The following CSMD3 variants were observed in gnomAD, a reference collection of about 807,000 sequenced individuals.
CSMD3 encodes the protein CUB and sushi domain-containing protein 3.
Under a neutral mutation model 435.2 loss-of-function variants are expected in CSMD3, and 177 were observed. The ratio of observed to expected loss-of-function variants is 0.41; its 90% CI spans 0.36 to 0.46. The LOEUF (loss-of-function observed/expected upper bound fraction) is 0.46, where lower values mean the gene tolerates loss of function less well. Ranked by LOEUF, CSMD3 falls within the 20% of genes least tolerant of loss-of-function variation. CSMD3 has a pLI of 0.34. For synonymous variants in CSMD3, 1,656 were observed against 1,520.5 expected, an observed-to-expected ratio of 1.09 and a Z score of -2.07; for missense variants, 4,265 against 4,504.6, an observed-to-expected ratio of 0.95 and a Z score of 1.52.
intron 68 of CSMD3, among the ~76,000 whole-genome samples, chr8:112,233,002 G>A (rs1242613272): frequency 1.3e-5 from 2 of 152,168 alleles, no homozygotes; most frequent in South Asian, 2.1e-4. Context: ...GTTTGACCCA[G>A]AGGCTTCATG....
At chr8:113,031,908 T>C (rs923849537) in intron 5 of CSMD3, among the ~76,000 whole-genome samples, 2 of 151,536 alleles carry the variant, frequency 1.3e-5, no homozygotes, top group Non-Finnish European at 3.0e-5. Flanking sequence ...GCTCTCATGA[T>C]AGTGAGGGAG....
intron 8 of CSMD3, among the ~76,000 whole-genome samples, chr8:112,952,604 A>G (rs1279159927): frequency 2.0e-5 from 3 of 151,544 alleles, no homozygotes; most frequent in Admixed American, 6.6e-5. Flanking sequence ...TACTTTAGAA[A>G]CAAATTATAG....
chr8:112,385,268 C>T (rs1395719247), intron 36 of CSMD3, among the ~76,000 whole-genome samples: 2 of 152,144 alleles, frequency 1.3e-5, no homozygotes, highest in South Asian at 2.1e-4. Flanking sequence ...AGATTATTTA[C>T]ATAAATTATT....
At chr8:113,319,011 G>A (rs1323724892) in intron 1 of CSMD3, among the ~76,000 whole-genome samples, 1 of 151,916 alleles carries the variant, frequency 6.6e-6, no homozygotes. Context: ...AAAAACATGG[G>A]AGTGCAGATA....
At chr8:113,015,506 T>TA (rs1192678723) in intron 6 of CSMD3, among the ~76,000 whole-genome samples, 3 of 151,908 alleles carry the variant, frequency 2.0e-5, no homozygotes, top group Admixed American at 1.3e-4. Flanking sequence ...ATCAAGAATA[T>TA]AAAATTACTC....
intron 10 of CSMD3, among the ~76,000 whole-genome samples, chr8:112,888,633 AAC>A (rs1223191949): frequency 6.6e-6 from 1 of 151,678 alleles, no homozygotes; most frequent in Non-Finnish European, 1.5e-5. Flanking sequence ...CTCTCAGAAA[AAC>A]AGAGGAAACT....
rs373888424 is a variant in CSMD3, at chr8:112,786,560, G to GA, written c.1972+13601dup. On this transcript the variant is annotated intron_variant, in intron 13 of 70. Transcript: ENST00000297405. ...CTAGAATATATATACAACTCAATAG[G>GA]AAAAAAAAAACCAATAATCTGAATA... Among the ~76,000 whole-genome samples the GA allele has an allele frequency of 2.2e-3, 322 of 144,928 alleles. 1 individual carries two copies. Among genetic ancestry groups the GA allele is most frequent in the South Asian group, 3.7e-3 (17 of 4,608 alleles).
chr8:112,380,723 T>C (rs1308047896), intron 37 of CSMD3, among the ~76,000 whole-genome samples: 1 of 152,202 alleles, frequency 6.6e-6, no homozygotes, highest in East Asian at 1.9e-4. Flanking sequence ...AAGTTAAAGC[T>C]ATACGTTTGA....
At chr8:113,257,183 C>T (rs1052943235) in intron 3 of CSMD3, among the ~76,000 whole-genome samples, 9 of 152,002 alleles carry the variant, frequency 5.9e-5, no homozygotes, top group Non-Finnish European at 8.8e-5. Flanking sequence ...CCGAGGCGGG[C>T]GGATCACGTG....
intron 45 of CSMD3, among the ~76,000 whole-genome samples, chr8:112,330,018 G>A (rs1175646403): frequency 1.3e-5 from 2 of 151,888 alleles, no homozygotes; most frequent in Admixed American, 6.6e-5. Flanking sequence ...AACACTTTAC[G>A]GGTTCTGTGC....
intron 27 of CSMD3, among the ~76,000 whole-genome samples, chr8:112,535,708 C>T (rs1378485455): frequency 1.3e-5 from 2 of 151,772 alleles, no homozygotes; most frequent in East Asian, 1.9e-4. Context: ...GAGCCCGCAT[C>T]GCCAAGTCGA....
At position 112,479,100 on chromosome 8, in the gene CSMD3, A is replaced by T. The variant is rs115170988; in HGVS notation, c.5279-6393T>A. Among the ~76,000 whole-genome samples the T allele has an allele frequency of 8.1e-3, 1,240 of 152,290 alleles. 25 individuals are homozygous for T. Among genetic ancestry groups the T allele is most frequent in the African/African-American group, 0.028 (1,152 of 41,564 alleles). ...GGTTCAGTACAAGAGCTAGGGAACTACCAACTGCGAGTACAAACTATAACA... is the reference window on the plus strand; with the variant it reads ...GGTTCAGTACAAGAGCTAGGGAACTTCCAACTGCGAGTACAAACTATAACA... On this transcript the variant is annotated intron_variant, in intron 31 of 70. Coordinates refer to ENST00000297405, the MANE Select transcript of CSMD3 (RefSeq NM_198123.2).
chr8:113,018,073 A>C (rs953681586), intron 6 of CSMD3, among the ~76,000 whole-genome samples: 1 of 152,058 alleles, frequency 6.6e-6, no homozygotes, highest in African/African-American at 2.4e-5. Flanking sequence ...TCTTGATTTT[A>C]AGTTACTTTC....
intron 4 of CSMD3, among the ~76,000 whole-genome samples, chr8:113,131,068 G>A (rs2091272356): frequency 6.6e-6 from 1 of 152,162 alleles, no homozygotes; most frequent in Admixed American, 6.5e-5. Context: ...TCATACACAT[G>A]ATGAAAGAGA....
intron 27 of CSMD3, among the ~76,000 whole-genome samples, chr8:112,525,754 AT>A (rs1824834029): frequency 7.5e-6 from 1 of 133,010 alleles, no homozygotes; most frequent in Non-Finnish European, 1.6e-5. Flanking sequence ...ATATATACAT[AT>A]ATATATATAT....
intron 4 of CSMD3, among the ~76,000 whole-genome samples, chr8:113,128,392 CA>C (rs1309322150): frequency 6.6e-6 from 1 of 151,736 alleles, no homozygotes; most frequent in Middle Eastern, 3.2e-3. Flanking sequence ...TTTCTATGAG[CA>C]AAATTTTATG....
At chr8:112,528,755 C>T (rs146690784) in intron 27 of CSMD3, among the ~76,000 whole-genome samples, 26 of 152,240 alleles carry the variant, frequency 1.7e-4, no homozygotes, top group East Asian at 7.7e-4. Flanking sequence ...AACACCCTCT[C>T]GCCAGACTCC....
At chr8:113,341,110 A>G (rs2094115759) in intron 1 of CSMD3, among the ~76,000 whole-genome samples, 1 of 152,122 alleles carries the variant, frequency 6.6e-6, no homozygotes, top group Non-Finnish European at 1.5e-5. Flanking sequence ...GTTTCCATAC[A>G]TATATATGGA....
At chr8:112,543,860 G>A (rs1563682908) in intron 27 of CSMD3, among the ~76,000 whole-genome samples, 1 of 152,056 alleles carries the variant, frequency 6.6e-6, no homozygotes, top group African/African-American at 2.4e-5. Flanking sequence ...AGAAAATATG[G>A]GAAAGACACA....
Sources: allele counts gnomAD v4.1 joint callset (sites outside exome capture counted in the v4.1 genomes callset), GRCh38; gene constraint gnomAD v4.1.1; transcripts MANE v1.5; gene names NCBI Gene and HGNC (gene_info 2026-07-23, HGNC 2026-07-21).